Variants in CSRNP3 observed in about 807,000 individuals in gnomAD.
CSRNP3 encodes the protein cysteine and serine rich nuclear protein 3, also known as cysteine/serine-rich nuclear protein 3.
In CSRNP3, 12 loss-of-function variants were observed where a neutral mutation model predicts 48.0. The ratio of observed to expected loss-of-function variants is 0.25; its 90% CI spans 0.16 to 0.41. CSRNP3 has a LOEUF of 0.41. Ranked by LOEUF, CSRNP3 falls within the 10% of genes least tolerant of loss-of-function variation. CSRNP3 has a pLI of 1.00. For missense variants in CSRNP3, 580 were observed against 724.4 expected (o/e 0.80, Z 2.29); for synonymous variants, 263 against 269.7 (o/e 0.98, Z 0.24).
At chr2:165,635,348 A>G (rs1199923086) in intron 4 of CSRNP3, among the ~76,000 whole-genome samples, 2 of 152,232 alleles carry the variant, frequency 1.3e-5, no homozygotes, top group African/African-American at 4.8e-5. Flanking sequence ...ATTCCTTTTG[A>G]TGACAAGAGC....
chr2:165,525,655 T>G (rs1287010687), intron 3 of CSRNP3, among the ~76,000 whole-genome samples: 2 of 151,884 alleles, frequency 1.3e-5, no homozygotes, highest in African/African-American at 2.4e-5. Context: ...TCGGCTAATT[T>G]TTGTATTTTT....
At chr2:165,471,927 A>G (rs1683900071) in intron 1 of CSRNP3, among the ~76,000 whole-genome samples, 2 of 152,066 alleles carry the variant, frequency 1.3e-5, no homozygotes, top group Non-Finnish European at 1.5e-5. Context: ...AAACAAGGCA[A>G]ATGAAAACCA....
intron 3 of CSRNP3, among the ~76,000 whole-genome samples, chr2:165,553,965 A>C (rs780646968): frequency 5.9e-5 from 9 of 152,144 alleles, no homozygotes; most frequent in Non-Finnish European, 1.2e-4. Flanking sequence ...AACTCCTTCA[A>C]AGAGCTATTT....
intron 5 of CSRNP3, among the ~76,000 whole-genome samples, chr2:165,667,701 A>G (rs1687258476): frequency 6.6e-6 from 1 of 152,168 alleles, no homozygotes; most frequent in Non-Finnish European, 1.5e-5. Flanking sequence ...TTTGAAAAAG[A>G]CTATGGAATC....
chr2:165,617,389 G>A (rs762298118), intron 4 of CSRNP3, among the ~76,000 whole-genome samples: 2 of 151,168 alleles, frequency 1.3e-5, no homozygotes, highest in Non-Finnish European at 2.9e-5. Flanking sequence ...GGTGGGCATT[G>A]TAGCCTAGTG....
chr2:165,685,897 A>G lies in CSRNP3; in HGVS notation c.*6144A>G, dbSNP rs1463469320. On this transcript the variant is annotated 3_prime_UTR_variant, in exon 7 of 7. Transcript: ENST00000651982. ...CGGTGATAGTTAAGTTCATTCGTTA[A>G]CTCATTTTAGTGACATGTGAGGCCA... The G allele has an allele frequency of 6.6e-6, 1 of 152,038 alleles. No individual in the cohort carries two copies. Among genetic ancestry groups the G allele is most frequent in the East Asian group, 1.9e-4 (1 of 5,182 alleles). The allele number at this position is 152,038 out of a possible 1,614,324, so 9.4% of individuals were successfully genotyped here. A position where few individuals can be genotyped will look rare whatever the true frequency, so the allele number is the denominator to read the frequency against.
Position 165,676,292 on chromosome 2 carries a change from TTGC to T in CSRNP3, c.409-15_409-13del. 1 of 1,606,948 alleles carries T rather than the reference TTGC, an allele frequency of 6.2e-7. No homozygotes were observed. The highest frequency in any genetic ancestry group is 2.2e-5 in the East Asian group (1 of 44,788). ...ACCCTGCCCTTAATGAGTCTCTTAT[TTGC>T]TGCTTTGTGTTTTTAGATGACTAAG... On this transcript the variant is annotated splice_polypyrimidine_tract_variant and intron_variant, in intron 5 of 6. Coordinates refer to ENST00000651982, the MANE Select transcript of CSRNP3 (RefSeq NM_001172173.2).
At chr2:165,642,402 T>C (rs1308736088) in intron 4 of CSRNP3, among the ~76,000 whole-genome samples, 1 of 152,178 alleles carries the variant, frequency 6.6e-6, no homozygotes, top group Non-Finnish European at 1.5e-5. Context: ...CAGGGAAAGA[T>C]TGTTTCTTCA....
intron 1 of CSRNP3, among the ~76,000 whole-genome samples, chr2:165,470,631 G>A (rs1004720142): frequency 6.6e-6 from 1 of 151,430 alleles, no homozygotes; most frequent in African/African-American, 2.4e-5. Context: ...CCTTTATATT[G>A]CCTTAGGGAA....
At chr2:165,630,279 TCTA>T (rs1386455831) in intron 4 of CSRNP3, among the ~76,000 whole-genome samples, 1 of 152,236 alleles carries the variant, frequency 6.6e-6, no homozygotes, top group African/African-American at 2.4e-5. Flanking sequence ...CTTTTCGTTT[TCTA>T]CTAAGACAGC....
At chr2:165,554,911 A>G (rs1337034843) in intron 3 of CSRNP3, among the ~76,000 whole-genome samples, 1 of 152,124 alleles carries the variant, frequency 6.6e-6, no homozygotes, top group Non-Finnish European at 1.5e-5. Context: ...CCCCGATCAC[A>G]TCACCCACAT....
At chr2:165,475,298 T>G (rs1683946173) in intron 1 of CSRNP3, among the ~76,000 whole-genome samples, 1 of 152,174 alleles carries the variant, frequency 6.6e-6, no homozygotes, top group East Asian at 1.9e-4. Flanking sequence ...TCCAAATCAA[T>G]AAGGGCCCCA....
Position 165,678,809 on chromosome 2 carries a change from A to G in CSRNP3, c.814A>G (p.Ile272Val), listed in dbSNP as rs773778362. ...TGTTCGGACTCACTTTTTGCACACAATAATGAAACTTGAACTGGAGAAAAA... is the reference window on the plus strand; with the variant it reads ...TGTTCGGACTCACTTTTTGCACACAGTAATGAAACTTGAACTGGAGAAAAA... The part of the protein sequence containing the change: ...IRVRTHFLHT[I>V]MKLELEKNRE... Residue 272 changes from isoleucine to valine, a missense_variant, in exon 7 of 7, where the codon ATA (isoleucine) becomes GTA (valine). This residue lies in a region of CSRNP3 where 66 missense variants were observed against 137.6 expected (regional missense o/e 0.48). Transcript: ENST00000651982. 6 of 1,614,104 alleles carry G rather than the reference A, an allele frequency of 3.7e-6. No homozygotes were observed. Among genetic ancestry groups the G allele is most frequent in the Non-Finnish European group, 5.1e-6 (6 of 1,179,992 alleles).
chr2:165,661,382 C>A (rs574009296), intron 5 of CSRNP3, among the ~76,000 whole-genome samples: 2 of 152,284 alleles, frequency 1.3e-5, no homozygotes, highest in African/African-American at 4.8e-5. Flanking sequence ...AGAACACTTA[C>A]ATTGGCCTAC....
At chr2:165,499,979 T>C (rs1306091947) in intron 2 of CSRNP3, among the ~76,000 whole-genome samples, 1 of 150,942 alleles carries the variant, frequency 6.6e-6, no homozygotes, top group East Asian at 2.0e-4. Context: ...ACTTGATTTA[T>C]ATAGTGAACT....
At chr2:165,646,597 C>A (rs916825185) in intron 4 of CSRNP3, among the ~76,000 whole-genome samples, 3 of 152,102 alleles carry the variant, frequency 2.0e-5, no homozygotes, top group South Asian at 2.1e-4. Flanking sequence ...ATGCCTCATG[C>A]GGCTTTATTT....
intron 3 of CSRNP3, among the ~76,000 whole-genome samples, chr2:165,567,796 C>T (rs1453226800): frequency 6.6e-6 from 1 of 151,814 alleles, no homozygotes. Flanking sequence ...AAACACTGTC[C>T]ACTGCGTACT....
chr2:165,611,669 A>G (rs1374674600), intron 4 of CSRNP3, among the ~76,000 whole-genome samples: 1 of 152,094 alleles, frequency 6.6e-6, no homozygotes, highest in Non-Finnish European at 1.5e-5. Context: ...TCTGTGAAAT[A>G]GGTTCTATTT....
chr2:165,672,813 G>A (rs927254767), intron 5 of CSRNP3, among the ~76,000 whole-genome samples: 2 of 152,186 alleles, frequency 1.3e-5, no homozygotes, highest in African/African-American at 4.8e-5. Context: ...TTTGAACTCA[G>A]TAGTTTTGGC....
Sources: gnomAD v4.1 joint callset for allele counts (sites outside exome capture counted in the v4.1 genomes callset) on GRCh38, gnomAD v4.1.1 for gene constraint, gnomAD v4.1.1 regional missense constraint, MANE v1.5 for transcripts, NCBI Gene and HGNC (gene_info 2026-07-23, HGNC 2026-07-21) for gene names.